The following FSTL3 variants were observed in gnomAD, a reference collection of about 807,000 sequenced individuals.
The protein encoded by FSTL3 is follistatin-related protein 3.
A neutral mutation model predicts 28.1 loss-of-function variants in FSTL3; 21 were observed. That is an observed-to-expected ratio of 0.75 (90% confidence interval 0.53 to 1.08). The LOEUF (loss-of-function observed/expected upper bound fraction) is 1.08. Among genes scored for constraint, FSTL3 ranks in the 50% least tolerant of loss-of-function variants. FSTL3 has a pLI of 0.00. For synonymous variants in FSTL3, 199 were observed against 164.2 expected, an observed-to-expected ratio of 1.21 and a Z score of -1.62; for missense variants, 400 against 380.9, an observed-to-expected ratio of 1.05 and a Z score of -0.42.
Position 681,975 on chromosome 19 carries a change from C to A in FSTL3, c.*267C>A. 2 of 562,454 alleles carry A rather than the reference C, an allele frequency of 3.6e-6. No individual in the cohort carries two copies. Among genetic ancestry groups the A allele is most frequent in the Non-Finnish European group, 6.4e-6 (2 of 313,032 alleles). The allele number at this position is 562,454 out of a possible 1,614,324, so 34.8% of individuals were successfully genotyped here. ...TCTCTAGGATGCCCCAGCCCCTACCCTAAGACCTATTGCCGGGGAGGATTC... is the reference window on the plus strand; with the variant it reads ...TCTCTAGGATGCCCCAGCCCCTACCATAAGACCTATTGCCGGGGAGGATTC... On this transcript the variant is annotated 3_prime_UTR_variant, in exon 5 of 5. Coordinates refer to ENST00000166139, the MANE Select transcript of FSTL3 (RefSeq NM_005860.3).
rs979080011 is a variant in FSTL3 at position 682,562 on chromosome 19, T to C, written c.*854T>C. On this transcript the variant is annotated 3_prime_UTR_variant, in exon 5 of 5. Coordinates refer to ENST00000166139, the MANE Select transcript of FSTL3 (RefSeq NM_005860.3). ...CTCCAGCTTCCCCACTGCCTCTGTG[T>C]GCCCCTTTGCGTCCTGTGAAGGCCA... The C allele has an allele frequency of 8.6e-6, 2 of 233,828 alleles. No homozygotes were observed. Among genetic ancestry groups the C allele is most frequent in the African/African-American group, 4.4e-5 (2 of 45,342 alleles). The allele number at this position is 233,828 out of a possible 1,614,324, so 14.5% of individuals were successfully genotyped here. A position where few individuals can be genotyped will look rare whatever the true frequency, so the allele number is the denominator to read the frequency against.
chr19:680,325 G>A lies in FSTL3; in HGVS notation c.341G>A (p.Gly114Glu), dbSNP rs1456162791. ...CGPGKACRML[G>E]GRPRCECAPD... ...CCGGGCAAGGCGTGCCGCATGCTGG[G>A]GGGCCGCCCGCGCTGCGAGTGCGCG... The change falls in exon 3 of 5, where the codon GGG becomes GAG. Residue 114 changes from glycine (G) to glutamate (E), a missense_variant. Transcript: ENST00000166139. The A allele has an allele frequency of 7.8e-7, 1 of 1,281,576 alleles. No individual in the cohort carries two copies. The highest frequency in any genetic ancestry group is 9.8e-7 in the Non-Finnish European group (1 of 1,018,806). 79.4% of individuals were successfully genotyped at this position (1,281,576 alleles called of 1,614,324 possible). A position where few individuals can be genotyped will look rare whatever the true frequency, so the allele number is the denominator to read the frequency against.
chr19:680,009 C>CCCT (rs35616330), intron 2 of FSTL3: 61 of 200,820 alleles, frequency 3.0e-4, no homozygotes, highest in Non-Finnish European at 4.4e-4. Context: ...AGACCCCCCC[C>CCCT]CGCCCCGGCC....
chr19:677,849 C>A lies in FSTL3; in HGVS notation c.161C>A (p.Thr54Asn). 6.2e-7 allele frequency: 1 copy of A among 1,612,968 alleles called. No individual in the cohort carries two copies. Among genetic ancestry groups the A allele is most frequent in the Non-Finnish European group, 8.5e-7 (1 of 1,179,974 alleles). Residue 54 changes from threonine to asparagine, a missense_variant, in exon 2 of 5, where the codon ACT becomes AAT. By Grantham distance (65) the Thr-to-Asn change is moderately conservative. Coordinates refer to ENST00000166139, the MANE Select transcript of FSTL3 (RefSeq NM_005860.3). ...GCCACCTGCAGCCTGGTGCTCCAGA[C>A]TGATGTCACCCGGGCCGAGTGCTGT... ...QEATCSLVLQ[T>N]DVTRAECCAS... is the part of the protein sequence containing the mutation.
chr19:681,882 G>A lies in FSTL3; in HGVS notation c.*174G>A. The A allele has an allele frequency of 1.5e-6, 1 of 651,038 alleles. No homozygotes were observed. Among genetic ancestry groups the A allele is most frequent in the Non-Finnish European group, 2.7e-6 (1 of 374,894 alleles). The allele number at this position is 651,038 out of a possible 1,614,324, so 40.3% of individuals were successfully genotyped here. ...ATCCTGGAAGGACTGAGGAAGGGAG[G>A]CCTGGGGGCCGGCTGGTGGGTGGGA... On this transcript the variant is annotated 3_prime_UTR_variant, in exon 5 of 5. Coordinates refer to ENST00000166139, the MANE Select transcript of FSTL3 (RefSeq NM_005860.3).
chr19:679,662 G>C (rs142335527), intron 2 of FSTL3, among the ~76,000 whole-genome samples: 13 of 152,314 alleles, frequency 8.5e-5, no homozygotes, highest in African/African-American at 3.1e-4. Context: ...ACCCCAGAGA[G>C]AGCTTCCCTA....
intron 2 of FSTL3, 109 bp downstream of exon 2, chr19:678,086 A>T: frequency 9.6e-7 from 1 of 1,039,650 alleles, no homozygotes; most frequent in South Asian, 1.5e-5. Flanking sequence ...TCACAGGGGT[A>T]TGTAGGAGGC....
chr19:681,626 C>T, intron 4 of FSTL3, 24 bp from the exon 5 acceptor site: 2 of 1,589,918 alleles, frequency 1.3e-6, no homozygotes, highest in Non-Finnish European at 8.6e-7. Context: ...CCTGCGCCCT[C>T]AATGCTCTTA....
chr19:677,858 C>A lies in FSTL3; in HGVS notation c.170C>A (p.Thr57Asn), dbSNP rs776298851. The A allele has an allele frequency of 5.0e-6, 8 of 1,613,030 alleles. No individual in the cohort carries two copies. Among genetic ancestry groups the A allele is most frequent in the African/African-American group, 2.7e-5 (2 of 74,926 alleles). ...AGCCTGGTGCTCCAGACTGATGTCA[C>A]CCGGGCCGAGTGCTGTGCCTCCGGC... The part of the protein sequence containing the change: ...TCSLVLQTDV[T>N]RAECCASGNI... The change falls in exon 2 of 5, where the codon ACC (threonine) becomes AAC (asparagine). Residue 57 changes from threonine to asparagine, a missense_variant. Thr to Asn is a moderately conservative substitution (Grantham distance 65). Coordinates refer to ENST00000166139, the MANE Select transcript of FSTL3 (RefSeq NM_005860.3).
chr19:677,054 C>A (rs1474108453), intron 1 of FSTL3, among the ~76,000 whole-genome samples: 1 of 152,146 alleles, frequency 6.6e-6, no homozygotes, highest in Non-Finnish European at 1.5e-5. Context: ...CCTCAGTTTC[C>A]CCTCCTATGA....
intron 3 of FSTL3, among the ~76,000 whole-genome samples, chr19:681,101 C>T (rs776446854): frequency 3.4e-5 from 5 of 147,884 alleles, no homozygotes; most frequent in Non-Finnish European, 7.4e-5. Context: ...GCATAAGGGG[C>T]AGGAGCTCAC....
intron 2 of FSTL3, among the ~76,000 whole-genome samples, chr19:679,646 G>T (rs2031282488): frequency 6.6e-6 from 1 of 152,216 alleles, no homozygotes; most frequent in Non-Finnish European, 1.5e-5. Context: ...GAAAGCGGGG[G>T]CGGGGACCCC....
chr19:678,000 G>C, intron 2 of FSTL3, 23 bp downstream of exon 2: 1 of 1,606,298 alleles, frequency 6.2e-7, no homozygotes, highest in South Asian at 1.1e-5. Flanking sequence ...GCCAGAAGCA[G>C]GGCAGACGTC....
chr19:680,277 C>A lies in FSTL3; in HGVS notation c.293C>A (p.Ser98Ter), dbSNP rs1381590251. ...GLVHCLPCKD[S>*]CDGVECGPGK... ...CGCGCGTGTCCTCTGTCCGCAGATT[C>A]GTGCGACGGCGTGGAGTGCGGCCCG... Residue 98 changes from serine to a stop codon, truncating the protein, a stop_gained, in exon 3 of 5, where the codon TCG (serine) becomes TAG (stop). Coordinates refer to ENST00000166139, the MANE Select transcript of FSTL3 (RefSeq NM_005860.3). LOFTEE classifies it high-confidence loss of function. 7.5e-7 allele frequency: 1 copy of A among 1,328,846 alleles called. No homozygotes were observed. The highest frequency in any genetic ancestry group is 1.8e-5 in the South Asian group (1 of 54,322). 82.3% of individuals were successfully genotyped at this position (1,328,846 alleles called of 1,614,324 possible).
Position 681,815 on chromosome 19 carries a change from C to T in FSTL3, c.*107C>T, listed in dbSNP as rs1188219411. The T allele has an allele frequency of 1.3e-5, 13 of 991,750 alleles. No homozygotes were observed. The highest frequency in any genetic ancestry group is 5.3e-5 in the East Asian group (2 of 38,048). 61.4% of individuals were successfully genotyped at this position (991,750 alleles called of 1,614,324 possible). A position where few individuals can be genotyped will look rare whatever the true frequency, so the allele number is the denominator to read the frequency against. On this transcript the variant is annotated 3_prime_UTR_variant, in exon 5 of 5. Coordinates refer to ENST00000166139, the MANE Select transcript of FSTL3 (RefSeq NM_005860.3). ...TATGCCACGGACACTCCTTAGAGCC[C>T]GGATTCGGACCACTTGGGGATCCCA...
intron 2 of FSTL3, 106 bp from the exon 3 acceptor site, chr19:680,168 C>T: frequency 1.6e-6 from 1 of 628,602 alleles, no homozygotes; most frequent in Non-Finnish European, 2.3e-6. Flanking sequence ...GCGCCCCCGC[C>T]TCCGCCCTGC....
chr19:682,923 G>C lies in FSTL3; in HGVS notation c.*1215G>C, dbSNP rs2031371725. The C allele has an allele frequency of 4.3e-6, 1 of 232,536 alleles. No homozygotes were observed. Among genetic ancestry groups the C allele is most frequent in the African/African-American group, 2.2e-5 (1 of 45,282 alleles). The allele number at this position is 232,536 out of a possible 1,614,324, so 14.4% of individuals were successfully genotyped here. On this transcript the variant is annotated 3_prime_UTR_variant, in exon 5 of 5. Coordinates refer to ENST00000166139, the MANE Select transcript of FSTL3 (RefSeq NM_005860.3). The stretch of plus-strand genomic sequence containing the variant: ...GTCCCAGTGGCACCACTAGGTGCCT[G>C]CTGCCTCCACAGTGGGGTTCACACC...
At position 681,421 on chromosome 19, in the gene FSTL3, G is replaced by T; in HGVS notation, c.594G>T (p.Ala198=). Residue 198 remains alanine (A), a synonymous_variant, in exon 4 of 5, where the codon GCG becomes GCT. Coordinates refer to ENST00000166139, the MANE Select transcript of FSTL3 (RefSeq NM_005860.3). ...GSAHCVVCRA[A]PCPVPSSPGQ... is the part of the protein sequence containing the mutation. ...CCCACTGCGTGGTGTGTCGAGCGGC[G>T]CCCTGCCCTGTGCCCTCCAGCCCCG... The T allele has an allele frequency of 6.3e-7, 1 of 1,597,122 alleles. No homozygotes were observed. The highest frequency in any genetic ancestry group is 1.1e-5 in the South Asian group (1 of 90,658).
In FSTL3 at chr19:681,912, C is replaced by T; in HGVS notation, c.*204C>T. The T allele has an allele frequency of 1.6e-6, 1 of 608,426 alleles. No homozygotes were observed. The highest frequency in any genetic ancestry group is 2.9e-6 in the Non-Finnish European group (1 of 341,800). The allele number at this position is 608,426 out of a possible 1,614,324, so 37.7% of individuals were successfully genotyped here. A position where few individuals can be genotyped will look rare whatever the true frequency, so the allele number is the denominator to read the frequency against. ...GGGGCCGGCTGGTGGGTGGGATAGA[C>T]CTGCGTTCCGGACACTGAGCGCCTG... is the stretch of plus-strand genomic sequence containing the variant. On this transcript the variant is annotated 3_prime_UTR_variant, in exon 5 of 5. Transcript: ENST00000166139.
Sources: allele counts gnomAD v4.1 joint callset (sites outside exome capture counted in the v4.1 genomes callset), GRCh38; gene constraint gnomAD v4.1.1; transcripts MANE v1.5; gene names NCBI Gene and HGNC (gene_info 2026-07-23, HGNC 2026-07-21).